SNTG2: variants seen among roughly 807,000 people sequenced by gnomAD.
SNTG2 encodes the protein gamma-2-syntrophin.
A neutral mutation model predicts 70.9 loss-of-function variants in SNTG2; 74 were observed. The observed-to-expected ratio is 1.04, with a 90% confidence interval of 0.86 to 1.27. The LOEUF is 1.27. SNTG2 is among the 50% of genes most tolerant of loss of function. The pLI, the probability that SNTG2 is intolerant of heterozygous loss-of-function variation, is 0.00. For missense variants in SNTG2, 717 were observed against 690.7 expected, an observed-to-expected ratio of 1.04 and a Z score of -0.43; for synonymous variants, 278 against 273.8, an observed-to-expected ratio of 1.02 and a Z score of -0.15.
chr2:986,679 G>C (rs1269646363), intron 1 of SNTG2, among the ~76,000 whole-genome samples: 1 of 152,182 alleles, frequency 6.6e-6, no homozygotes, highest in Non-Finnish European at 1.5e-5. Context: ...AGGCAAGATT[G>C]CTTTCTTAGC....
intron 15 of SNTG2, among the ~76,000 whole-genome samples, chr2:1,315,237 C>T (rs148927623): frequency 7.9e-5 from 12 of 152,148 alleles, no homozygotes; most frequent in Admixed American, 4.6e-4. Context: ...GACACTTTGG[C>T]GTAAAATGCG....
chr2:1,326,654 A>C (rs969733936), intron 16 of SNTG2, among the ~76,000 whole-genome samples: 3 of 152,090 alleles, frequency 2.0e-5, no homozygotes, highest in African/African-American at 7.2e-5. Flanking sequence ...ATCTTTTACT[A>C]TCTCCTATTA....
chr2:1,339,652 G>A (rs1400135079), intron 16 of SNTG2, among the ~76,000 whole-genome samples: 1 of 152,166 alleles, frequency 6.6e-6, no homozygotes, highest in Admixed American at 6.5e-5. Context: ...TCATTGTGAG[G>A]GCTGATTATT....
intron 1 of SNTG2, among the ~76,000 whole-genome samples, chr2:970,356 G>A (rs1053303291): frequency 4.0e-5 from 6 of 150,270 alleles, no homozygotes; most frequent in East Asian, 3.9e-4. Context: ...CCATGCTGGT[G>A]CGCTGCACCC....
At chr2:1,062,130 C>G (rs1221771526) in intron 1 of SNTG2, among the ~76,000 whole-genome samples, 1 of 152,032 alleles carries the variant, frequency 6.6e-6, no homozygotes, top group Non-Finnish European at 1.5e-5. Context: ...AAATAAAAAG[C>G]TTAATTAGAG....
At chr2:995,040 AG>A (rs1661632689) in intron 1 of SNTG2, among the ~76,000 whole-genome samples, 1 of 151,864 alleles carries the variant, frequency 6.6e-6, no homozygotes, top group African/African-American at 2.4e-5. Context: ...TGTCCTATCT[AG>A]ATGAGTTTTA....
chr2:1,214,700 T>G (rs1674266198), intron 9 of SNTG2, among the ~76,000 whole-genome samples: 1 of 152,184 alleles, frequency 6.6e-6, no homozygotes. Flanking sequence ...CAATTTCACT[T>G]CTTCCTTTTC....
In SNTG2 at chr2:1,179,970, G is replaced by T. The variant is rs62107162; in HGVS notation, c.591+6787G>T. Among the ~76,000 whole-genome samples, 41 of 128,958 alleles carry T rather than the reference G, an allele frequency of 3.2e-4. 1 individual carries two copies. The highest frequency in any genetic ancestry group is 8.9e-4 in the East Asian group (3 of 3,354). The allele number at this position is 128,958 out of a possible 152,430, so 84.6% of individuals were successfully genotyped here. A position where few individuals can be genotyped will look rare whatever the true frequency, so the allele number is the denominator to read the frequency against. ...TGAGAAAAACAAGCAATGGGGAAAG[G>T]ATTCCCTATTTAATAAATGGTGCTG... On this transcript the variant is annotated intron_variant, in intron 8 of 16. Transcript: ENST00000308624.
intron 14 of SNTG2, among the ~76,000 whole-genome samples, chr2:1,304,251 T>A (rs1680580958): frequency 6.6e-6 from 1 of 152,200 alleles, no homozygotes; most frequent in Non-Finnish European, 1.5e-5. Context: ...ATTTCTCTTA[T>A]ATCCGACTCC....
intron 1 of SNTG2, among the ~76,000 whole-genome samples, chr2:1,045,568 GTATGT>G (rs956861710): frequency 6.6e-6 from 1 of 152,032 alleles, no homozygotes; most frequent in Non-Finnish European, 1.5e-5. Flanking sequence ...CCTGATTCTA[GTATGT>G]TATATCTTAG....
chr2:1,265,337 C>G (rs1057013386), intron 13 of SNTG2, among the ~76,000 whole-genome samples: 1 of 152,258 alleles, frequency 6.6e-6, no homozygotes, highest in African/African-American at 2.4e-5. Context: ...ACACTACACA[C>G]ATTCACGTAC....
At chr2:1,113,924 C>G (rs1412689450) in intron 4 of SNTG2, among the ~76,000 whole-genome samples, 1 of 151,166 alleles carries the variant, frequency 6.6e-6, no homozygotes, top group Non-Finnish European at 1.5e-5. Context: ...CCTTACAGTC[C>G]TTTGAGGAGG....
intron 9 of SNTG2, among the ~76,000 whole-genome samples, chr2:1,212,843 G>C (rs1376489293): frequency 6.6e-6 from 1 of 152,176 alleles, no homozygotes; most frequent in Non-Finnish European, 1.5e-5. Flanking sequence ...ATCTTCTCCT[G>C]AGGGCTCCTC....
At chr2:1,301,149 T>G (rs999154609) in intron 14 of SNTG2, among the ~76,000 whole-genome samples, 19 of 151,958 alleles carry the variant, frequency 1.3e-4, no homozygotes, top group African/African-American at 4.4e-4. Flanking sequence ...GAGTTCTCAG[T>G]GGATGGCGGG....
intron 8 of SNTG2, among the ~76,000 whole-genome samples, chr2:1,187,901 C>T (rs188697425): frequency 2.6e-4 from 40 of 152,308 alleles, no homozygotes; most frequent in Non-Finnish European, 4.4e-4. Flanking sequence ...AAGACTTGTT[C>T]GCACAAAGAG....
intron 7 of SNTG2, among the ~76,000 whole-genome samples, chr2:1,166,719 C>A (rs7574072): frequency 9.2e-5 from 14 of 152,238 alleles, no homozygotes; most frequent in African/African-American, 3.4e-4. Context: ...CCAAATGTTG[C>A]GTTTTCCAGT....
Position 986,219 on chromosome 2 carries a change from T to C in SNTG2, c.72+35151T>C, listed in dbSNP as rs568481788. The stretch of plus-strand genomic sequence containing the variant: ...AGCTCATTTGGGGACATGGCCGGGA[T>C]GGCCCCTGTACTCTCATGGCCTGAG... On this transcript the variant is annotated intron_variant, in intron 1 of 16. Coordinates refer to ENST00000308624, the MANE Select transcript of SNTG2 (RefSeq NM_018968.4). 5.0e-3 allele frequency among the ~76,000 whole-genome samples: 755 copies of C among 152,278 alleles called. 8 individuals are homozygous for C. Among genetic ancestry groups the C allele is most frequent in the African/African-American group, 0.015 (635 of 41,560 alleles).
chr2:1,070,125 C>T (rs60054143), intron 1 of SNTG2, among the ~76,000 whole-genome samples: 8,114 of 152,036 alleles, frequency 0.053, 328 homozygotes, highest in South Asian at 0.16. Flanking sequence ...GCAATTTCTG[C>T]CAGTCAGTCT....
chr2:993,701 ATT>A (rs985116739), intron 1 of SNTG2, among the ~76,000 whole-genome samples: 1 of 151,028 alleles, frequency 6.6e-6, no homozygotes, highest in African/African-American at 2.4e-5. Flanking sequence ...CTTTGTGTCT[ATT>A]TTTTTTTAAT....
Sources: allele counts gnomAD v4.1 joint callset (sites outside exome capture counted in the v4.1 genomes callset), GRCh38; gene constraint gnomAD v4.1.1; transcripts MANE v1.5; gene names NCBI Gene and HGNC (gene_info 2026-07-23, HGNC 2026-07-21).